Variants in MCTP1 observed in about 807,000 individuals in gnomAD.
The protein encoded by MCTP1 is multiple C2 and transmembrane domain containing 1.
In MCTP1, 69 loss-of-function variants were observed where a neutral mutation model predicts 120.6. The observed-to-expected ratio is 0.57, with a 90% CI of 0.47 to 0.70. MCTP1 has a LOEUF of 0.70. Among genes scored for constraint, MCTP1 ranks in the 30% least tolerant of loss-of-function variants. The pLI, the probability that MCTP1 is intolerant of heterozygous loss-of-function variation, is 0.00. For synonymous variants in MCTP1, 529 were observed against 493.1 expected (o/e 1.07, Z -0.96); for missense variants, 1,203 against 1,248.8 (o/e 0.96, Z 0.55).
chr5:94,723,655 C>T (rs934562176), intron 19 of MCTP1, among the ~76,000 whole-genome samples: 1 of 151,872 alleles, frequency 6.6e-6, no homozygotes, highest in African/African-American at 2.4e-5. Context: ...CTTTTCAGAG[C>T]TCATTTCTAC....
intron 12 of MCTP1, among the ~76,000 whole-genome samples, chr5:94,875,814 T>C (rs1798750016): frequency 6.6e-6 from 1 of 151,842 alleles, no homozygotes; most frequent in Non-Finnish European, 1.5e-5. Context: ...ATTTCTAGAA[T>C]CTGACAAAGA....
At chr5:94,918,999 CTT>C in intron 7 of MCTP1, among the ~76,000 whole-genome samples, 1 of 152,178 alleles carries the variant, frequency 6.6e-6, no homozygotes, top group Non-Finnish European at 1.5e-5. Context: ...CCATGTCTCC[CTT>C]TTTTTGACAG....
In MCTP1 at chr5:94,704,505, G is replaced by A. The variant is rs1754095153; in HGVS notation, c.*2991C>T. On this transcript the variant is annotated 3_prime_UTR_variant, in exon 23 of 23. Coordinates refer to ENST00000515393, the MANE Select transcript of MCTP1 (RefSeq NM_024717.7). Reference sequence around the variant, plus strand: ...GAGACCTTAGATATGAGATCAAAGTGGAAAAAAAGCTCCTGTGGTCCCTAG... The same window carrying A: ...GAGACCTTAGATATGAGATCAAAGTAGAAAAAAAGCTCCTGTGGTCCCTAG... The A allele has an allele frequency of 6.6e-6, 1 of 151,114 alleles. No homozygotes were observed. Among genetic ancestry groups the A allele is most frequent in the African/African-American group, 2.4e-5 (1 of 41,218 alleles). 9.4% of individuals were successfully genotyped at this position (151,114 alleles called of 1,614,324 possible).
chr5:95,045,368 G>T (rs1197346342), intron 1 of MCTP1, among the ~76,000 whole-genome samples: 2 of 152,172 alleles, frequency 1.3e-5, no homozygotes, highest in South Asian at 2.1e-4. Flanking sequence ...TGGTTTTAAT[G>T]AATTTTATGT....
chr5:95,040,847 T>G (rs1041221829), intron 1 of MCTP1, among the ~76,000 whole-genome samples: 2 of 152,182 alleles, frequency 1.3e-5, no homozygotes, highest in African/African-American at 4.8e-5. Context: ...GGCTCAATCT[T>G]TCCTCCTGGG....
At chr5:94,948,496 T>A (rs897607996) in intron 3 of MCTP1, among the ~76,000 whole-genome samples, 1 of 152,190 alleles carries the variant, frequency 6.6e-6, no homozygotes. Flanking sequence ...AATTCTTGAT[T>A]CATGCATTTA....
intron 17 of MCTP1, among the ~76,000 whole-genome samples, chr5:94,860,153 T>G (rs1285097692): frequency 1.3e-5 from 2 of 151,740 alleles, no homozygotes; most frequent in Non-Finnish European, 3.0e-5. Context: ...TTATCTTCAC[T>G]GTTTTAAATC....
chr5:95,148,628 G>A (rs1035827103), intron 1 of MCTP1, among the ~76,000 whole-genome samples: 2 of 152,080 alleles, frequency 1.3e-5, no homozygotes, highest in African/African-American at 4.8e-5. Context: ...CTTGGATTGG[G>A]TTTCAACTTT....
At position 95,076,452 on chromosome 5, in the gene MCTP1, G is replaced by GA. The variant is rs34708532; in HGVS notation, c.721-58969dup. On this transcript the variant is annotated intron_variant, in intron 1 of 22. Transcript: ENST00000515393. Reference sequence around the variant, plus strand: ...CACAGGAACCATTAAGCTGAAAAAGGAAAAAAAAAAAAAAAAAGGAATCCC... The same window carrying GA: ...CACAGGAACCATTAAGCTGAAAAAGGAAAAAAAAAAAAAAAAAAGGAATCCC... 1.5e-3 allele frequency among the ~76,000 whole-genome samples: 199 copies of GA among 130,808 alleles called. 1 individual carries two copies. The highest frequency in any genetic ancestry group is 4.9e-3 in the African/African-American group (171 of 34,696). 85.8% of individuals were successfully genotyped at this position (130,808 alleles called of 152,430 possible). A position where few individuals can be genotyped will look rare whatever the true frequency, so the allele number is the denominator to read the frequency against.
intron 19 of MCTP1, among the ~76,000 whole-genome samples, chr5:94,740,665 TGA>T (rs1765317272): frequency 6.6e-6 from 1 of 152,214 alleles, no homozygotes; most frequent in Non-Finnish European, 1.5e-5. Context: ...AGCTTCATTG[TGA>T]GAGAAGCTCT....
intron 2 of MCTP1, among the ~76,000 whole-genome samples, chr5:95,011,894 C>T (rs1329442157): frequency 1.3e-5 from 2 of 152,142 alleles, no homozygotes; most frequent in South Asian, 2.1e-4. Context: ...GACATTTTGC[C>T]ATCAATGTTT....
intron 1 of MCTP1, among the ~76,000 whole-genome samples, chr5:95,194,485 G>C (rs1750167881): frequency 6.6e-6 from 1 of 152,126 alleles, no homozygotes; most frequent in African/African-American, 2.4e-5. Context: ...AATGATTTGA[G>C]GGAAAAACAA....
chr5:95,196,995 G>A (rs961148982), intron 1 of MCTP1, among the ~76,000 whole-genome samples: 1 of 152,076 alleles, frequency 6.6e-6, no homozygotes, highest in East Asian at 1.9e-4. Context: ...AGACCCTCAG[G>A]TTGATGGTAA....
chr5:95,230,296 C>T lies in MCTP1; in HGVS notation c.720+53560G>A, dbSNP rs186830808. On this transcript the variant is annotated intron_variant, in intron 1 of 22. Coordinates refer to ENST00000515393, the MANE Select transcript of MCTP1 (RefSeq NM_024717.7). ...ATATAATTTAACCCTCATAACAATC[C>T]AATGAAATAGGTCTTACTATTAACC... 5.0e-3 allele frequency among the ~76,000 whole-genome samples: 753 copies of T among 151,596 alleles called. 5 individuals carry two copies. Among genetic ancestry groups the T allele is most frequent in the Admixed American group, 8.3e-3 (126 of 15,224 alleles).
chr5:95,213,491 T>G (rs1479674139), intron 1 of MCTP1, among the ~76,000 whole-genome samples: 1 of 152,166 alleles, frequency 6.6e-6, no homozygotes, highest in South Asian at 2.1e-4. Flanking sequence ...AATGACTTTC[T>G]TCACAGAATT....
chr5:95,034,415 A>C (rs1476605314), intron 1 of MCTP1, among the ~76,000 whole-genome samples: 1 of 151,992 alleles, frequency 6.6e-6, no homozygotes, highest in African/African-American at 2.4e-5. Context: ...CCAGAAATAA[A>C]GCCACACACC....
At chr5:95,238,166 C>T (rs756585778) in intron 1 of MCTP1, among the ~76,000 whole-genome samples, 3 of 152,142 alleles carry the variant, frequency 2.0e-5, no homozygotes, top group African/African-American at 4.8e-5. Context: ...TTGACGTTCC[C>T]ATGCCGGTCT....
At chr5:94,833,206 T>C (rs1045743838) in intron 17 of MCTP1, among the ~76,000 whole-genome samples, 5 of 152,046 alleles carry the variant, frequency 3.3e-5, no homozygotes, top group South Asian at 4.1e-4. Context: ...TGTGTGCTTT[T>C]TTTTTGGCAT....
At chr5:94,866,809 T>C (rs1796905168) in intron 17 of MCTP1, among the ~76,000 whole-genome samples, 2 of 151,816 alleles carry the variant, frequency 1.3e-5, no homozygotes, top group South Asian at 4.1e-4. Flanking sequence ...AATTTCATTT[T>C]ACGCGAGTGA....
Sources: gnomAD v4.1 joint callset for allele counts (sites outside exome capture counted in the v4.1 genomes callset) on GRCh38, gnomAD v4.1.1 for gene constraint, MANE v1.5 for transcripts, NCBI Gene and HGNC (gene_info 2026-07-23, HGNC 2026-07-21) for gene names.